The following COL21A1 variants were observed in gnomAD, a reference collection of about 807,000 sequenced individuals.
COL21A1 encodes collagen type XXI alpha 1 chain.
Under a neutral mutation model 137.9 loss-of-function variants are expected in COL21A1, and 149 were observed. The observed-to-expected ratio is 1.08, with a 90% CI of 0.95 to 1.24. COL21A1 has a LOEUF of 1.24. Among genes scored for constraint, COL21A1 ranks in the 50% most tolerant of loss-of-function variants. The pLI is 0.00. For missense variants in COL21A1, 1,167 were observed against 1,158.4 expected (o/e 1.01, Z -0.11); for synonymous variants, 456 against 391.5 (o/e 1.16, Z -1.95).
chr6:56,387,224 A>G (rs572451994), intron 1 of COL21A1, among the ~76,000 whole-genome samples: 2 of 149,684 alleles, frequency 1.3e-5, no homozygotes, highest in African/African-American at 5.1e-5. Context: ...AATTTAAACC[A>G]TGTTAGCCTC....
At chr6:56,121,108 C>T (rs945544190) in intron 16 of COL21A1, among the ~76,000 whole-genome samples, 49 of 152,122 alleles carry the variant, frequency 3.2e-4, no homozygotes, top group African/African-American at 1.2e-3. Flanking sequence ...AAGCCAGGAA[C>T]AGAAAGACAA....
chr6:56,150,521 C>A (rs1162928669), intron 10 of COL21A1, among the ~76,000 whole-genome samples: 2 of 142,296 alleles, frequency 1.4e-5, no homozygotes, highest in Non-Finnish European at 3.0e-5. Flanking sequence ...CCATCACACA[C>A]ACACACACAC....
chr6:56,232,491 C>T (rs1015419376), intron 1 of COL21A1, among the ~76,000 whole-genome samples: 1 of 151,816 alleles, frequency 6.6e-6, no homozygotes, highest in African/African-American at 2.4e-5. Flanking sequence ...TTGCTTCCTA[C>T]AAAGCAGGAG....
intron 17 of COL21A1, among the ~76,000 whole-genome samples, chr6:56,088,206 A>T (rs1008522899): frequency 2.0e-5 from 3 of 152,140 alleles, no homozygotes; most frequent in Non-Finnish European, 4.4e-5. Flanking sequence ...TCTACTAAAA[A>T]TACAAAAATT....
intron 29 of COL21A1, among the ~76,000 whole-genome samples, chr6:56,058,184 TATTATAA>T (rs1489281834): frequency 6.6e-6 from 1 of 152,172 alleles, no homozygotes; most frequent in Non-Finnish European, 1.5e-5. Flanking sequence ...TTACCAATAT[TATTATAA>T]ATTAACAGGT....
At chr6:56,349,933 A>C (rs1765673696) in intron 1 of COL21A1, among the ~76,000 whole-genome samples, 1 of 152,178 alleles carries the variant, frequency 6.6e-6, no homozygotes, top group Non-Finnish European at 1.5e-5. Context: ...TTCTCTCTCC[A>C]TCTCTCTTGG....
intron 1 of COL21A1, among the ~76,000 whole-genome samples, chr6:56,303,466 C>A (rs971131831): frequency 2.6e-5 from 4 of 152,104 alleles, no homozygotes; most frequent in African/African-American, 9.7e-5. Context: ...AAGTTGGATT[C>A]CTAGGTATTT....
intron 1 of COL21A1, among the ~76,000 whole-genome samples, chr6:56,288,545 A>T (rs755917464): frequency 2.0e-5 from 3 of 152,212 alleles, no homozygotes; most frequent in Non-Finnish European, 4.4e-5. Flanking sequence ...CCCTGTTTTC[A>T]CACTACACTT....
At chr6:56,360,491 CAGAAAT>C (rs1226001900) in intron 1 of COL21A1, among the ~76,000 whole-genome samples, 2 of 152,006 alleles carry the variant, frequency 1.3e-5, no homozygotes, top group African/African-American at 4.8e-5. Context: ...CAAGAGTTAA[CAGAAAT>C]AGAAACCAAA....
chr6:56,132,371 T>C (rs2152224179), intron 12 of COL21A1, among the ~76,000 whole-genome samples: 1 of 152,222 alleles, frequency 6.6e-6, no homozygotes, highest in Non-Finnish European at 1.5e-5. Flanking sequence ...CTGAGCTTTA[T>C]CTGGAAAAAT....
chr6:56,215,575 TA>T (rs1207256271), intron 1 of COL21A1, among the ~76,000 whole-genome samples: 2 of 152,092 alleles, frequency 1.3e-5, no homozygotes, highest in Non-Finnish European at 2.9e-5. Context: ...CCTGTGTGAC[TA>T]AAGCAAGTTT....
chr6:56,367,735 T>G (rs1766133871), intron 1 of COL21A1, among the ~76,000 whole-genome samples: 1 of 152,176 alleles, frequency 6.6e-6, no homozygotes, highest in African/African-American at 2.4e-5. Flanking sequence ...AATTTTTTGT[T>G]TTTTTGTATT....
At chr6:56,389,773 G>C (rs2152353603) in intron 1 of COL21A1, among the ~76,000 whole-genome samples, 1 of 152,166 alleles carries the variant, frequency 6.6e-6, no homozygotes, top group Admixed American at 6.5e-5. Flanking sequence ...AGAGAGAATG[G>C]GATAACATAT....
At chr6:56,063,974 G>A (rs1460100750) in intron 24 of COL21A1, among the ~76,000 whole-genome samples, 2 of 152,014 alleles carry the variant, frequency 1.3e-5, no homozygotes, top group African/African-American at 4.8e-5. Context: ...TTATGCCTTT[G>A]TCCGTCCACT....
intron 12 of COL21A1, among the ~76,000 whole-genome samples, chr6:56,126,807 C>T (rs909401109): frequency 6.6e-6 from 1 of 152,098 alleles, no homozygotes; most frequent in South Asian, 2.1e-4. Flanking sequence ...GAACCAATGA[C>T]TTTCATGGCA....
intron 23 of COL21A1, 61 bp from the exon 24 acceptor site, chr6:56,064,683 C>A: frequency 9.2e-7 from 1 of 1,083,724 alleles, no homozygotes; most frequent in Non-Finnish European, 1.3e-6. Context: ...ATCACATATG[C>A]AATACAAACT....
intron 1 of COL21A1, among the ~76,000 whole-genome samples, chr6:56,277,420 A>G (rs1304912165): frequency 6.6e-6 from 1 of 152,202 alleles, no homozygotes; most frequent in Non-Finnish European, 1.5e-5. Flanking sequence ...GAGAAATTAA[A>G]TTCTTTAATA....
At chr6:56,170,264 T>A (rs922513942) in intron 5 of COL21A1, among the ~76,000 whole-genome samples, 3 of 151,896 alleles carry the variant, frequency 2.0e-5, no homozygotes, top group Admixed American at 6.6e-5. Context: ...GACTTTGACG[T>A]CAACTAGACC....
chr6:56,124,908 G>A (rs1010517825), intron 14 of COL21A1, among the ~76,000 whole-genome samples: 2 of 151,498 alleles, frequency 1.3e-5, no homozygotes, highest in Non-Finnish European at 2.9e-5. Flanking sequence ...GCCTCCCAAA[G>A]TGCTGGGATT....
Sources: allele counts gnomAD v4.1 joint callset (sites outside exome capture counted in the v4.1 genomes callset), GRCh38; gene constraint gnomAD v4.1.1; transcripts MANE v1.5; gene names NCBI Gene and HGNC (gene_info 2026-07-23, HGNC 2026-07-21).